The following CDC14A variants were observed in gnomAD, a reference collection of about 807,000 sequenced individuals.
CDC14A encodes the protein dual specificity protein phosphatase CDC14A.
Under a neutral mutation model 74.4 loss-of-function variants are expected in CDC14A, and 53 were observed. That is an observed-to-expected ratio of 0.71 (90% CI 0.57 to 0.89). The LOEUF (loss-of-function observed/expected upper bound fraction) is 0.89, where lower values mean the gene tolerates loss of function less well. Among genes scored for constraint, CDC14A ranks in the 40% least tolerant of loss-of-function variants. The pLI, the probability that CDC14A is intolerant of heterozygous loss-of-function variation, is 0.00. For synonymous variants in CDC14A, 247 were observed against 258.4 expected (o/e 0.96, Z 0.43); for missense variants, 646 against 713.7 (o/e 0.91, Z 1.08).
chr1:100,473,950 G>A (rs1668639024), intron 10 of CDC14A, among the ~76,000 whole-genome samples: 2 of 152,126 alleles, frequency 1.3e-5, no homozygotes, highest in Non-Finnish European at 2.9e-5. Flanking sequence ...AAAGCATCCA[G>A]GCATTCACCT....
intron 3 of CDC14A, among the ~76,000 whole-genome samples, chr1:100,389,932 T>C (rs1407054701): frequency 6.6e-6 from 1 of 152,208 alleles, no homozygotes; most frequent in Non-Finnish European, 1.5e-5. Context: ...TGAGTTACAT[T>C]GTGTTCTCAT....
intron 2 of CDC14A, among the ~76,000 whole-genome samples, chr1:100,363,767 G>C (rs910032603): frequency 2.6e-4 from 39 of 152,242 alleles, no homozygotes; most frequent in Middle Eastern, 3.4e-3. Context: ...AGCTTCTACA[G>C]AGAATTGGAA....
intron 5 of CDC14A, among the ~76,000 whole-genome samples, chr1:100,429,517 C>G (rs957186643): frequency 6.6e-6 from 1 of 150,884 alleles, no homozygotes; most frequent in East Asian, 1.9e-4. Flanking sequence ...TATCTGCATA[C>G]GTGGGGAGCT....
In CDC14A at chr1:100,376,095, C is replaced by A. The variant is rs12058920; in HGVS notation, c.141-1451C>A. ...TTCTCACTCATAGGTGGGAACTGAA[C>A]AATGAGAACACTTGGACATGGGAAG... On this transcript the variant is annotated intron_variant, in intron 2 of 15. Coordinates refer to ENST00000336454, the MANE Select transcript of CDC14A (RefSeq NM_003672.4). 3.4e-3 allele frequency among the ~76,000 whole-genome samples: 508 copies of A among 151,424 alleles called. 4 individuals carry two copies. Among genetic ancestry groups the A allele is most frequent in the African/African-American group, 0.011 (446 of 41,182 alleles).
intron 4 of CDC14A, among the ~76,000 whole-genome samples, chr1:100,404,024 G>C (rs1400233185): frequency 6.6e-6 from 1 of 152,108 alleles, no homozygotes; most frequent in East Asian, 1.9e-4. Context: ...TTGATAGAGT[G>C]AGTAAAATTG....
At chr1:100,515,785 C>T (rs567392099) in intron 15 of CDC14A, among the ~76,000 whole-genome samples, 12 of 152,324 alleles carry the variant, frequency 7.9e-5, no homozygotes, top group African/African-American at 2.9e-4. Context: ...ACCCTTTTTA[C>T]TGATCTTTCA....
At chr1:100,367,537 T>C (rs538454964) in intron 2 of CDC14A, among the ~76,000 whole-genome samples, 1 of 152,248 alleles carries the variant, frequency 6.6e-6, no homozygotes, top group East Asian at 1.9e-4. Flanking sequence ...TAGAAAACTA[T>C]ATGTATAAGA....
chr1:100,412,678 GTGAACTTCC>G (rs1324233370), intron 4 of CDC14A, among the ~76,000 whole-genome samples: 1 of 113,836 alleles, frequency 8.8e-6, no homozygotes, highest in Non-Finnish European at 1.7e-5. Flanking sequence ...GGGAAGGTGG[GTGAACTTCC>G]TGTATGTTTT....
rs367786517 is a variant in CDC14A, at chr1:100,382,732, G to A, written c.216+5111G>A. On this transcript the variant is annotated intron_variant, in intron 3 of 15. Coordinates refer to ENST00000336454, the MANE Select transcript of CDC14A (RefSeq NM_003672.4). The stretch of plus-strand genomic sequence containing the variant: ...ACTATTTTAAAAAAGGATTAAAGGA[G>A]TATTCACAGAAATGTAATTTTAAAT... Among the ~76,000 whole-genome samples the A allele has an allele frequency of 1.8e-4, 27 of 152,230 alleles. 1 individual carries two copies. The highest frequency in any genetic ancestry group is 1.7e-3 in the East Asian group (9 of 5,178).
At chr1:100,506,291 T>A (rs944967046) in intron 15 of CDC14A, among the ~76,000 whole-genome samples, 6 of 152,224 alleles carry the variant, frequency 3.9e-5, no homozygotes, top group African/African-American at 1.4e-4. Flanking sequence ...ATCCTTCCTC[T>A]TTGTTGTGGC....
At chr1:100,456,363 C>G (rs530388057) in intron 8 of CDC14A, among the ~76,000 whole-genome samples, 2 of 152,190 alleles carry the variant, frequency 1.3e-5, no homozygotes, top group African/African-American at 4.8e-5. Flanking sequence ...TGATAGACAA[C>G]AGAGGTTCAA....
At chr1:100,481,129 G>A (rs962056325) in intron 10 of CDC14A, 1 of 152,266 alleles carries the variant, frequency 6.6e-6, no homozygotes, top group Non-Finnish European at 1.5e-5. Flanking sequence ...AACTGTCTCT[G>A]TTTCCATAAT....
intron 15 of CDC14A, among the ~76,000 whole-genome samples, chr1:100,501,963 A>C (rs2101454473): frequency 6.6e-6 from 1 of 152,344 alleles, no homozygotes; most frequent in South Asian, 2.1e-4. Flanking sequence ...ACAGTTACAC[A>C]TACAATGCTT....
chr1:100,478,841 T>G (rs181491249), intron 10 of CDC14A, among the ~76,000 whole-genome samples: 3 of 152,316 alleles, frequency 2.0e-5, no homozygotes, highest in Admixed American at 2.0e-4. Flanking sequence ...TTGCAAGCCT[T>G]CCATTGTCTT....
chr1:100,459,298 G>A (rs768249305), intron 8 of CDC14A, among the ~76,000 whole-genome samples: 2 of 152,296 alleles, frequency 1.3e-5, no homozygotes, highest in South Asian at 2.1e-4. Context: ...GAGTTCCACA[G>A]CTTCTCTGAG....
At chr1:100,463,524 A>G (rs1667518696) in intron 9 of CDC14A, among the ~76,000 whole-genome samples, 2 of 152,258 alleles carry the variant, frequency 1.3e-5, no homozygotes, top group Admixed American at 6.5e-5. Flanking sequence ...TGTTCAGACT[A>G]TAGAAGGTTT....
At chr1:100,349,050 C>T (rs575381057), upstream of CDC14A, among the ~76,000 whole-genome samples, 1 of 152,252 alleles carries the variant, frequency 6.6e-6, no homozygotes, top group East Asian at 1.9e-4. Context: ...TGAAAATTAA[C>T]CGGCGTGGTG....
chr1:100,484,048 C>A (rs1669787229), intron 10 of CDC14A, among the ~76,000 whole-genome samples: 1 of 152,128 alleles, frequency 6.6e-6, no homozygotes, highest in Non-Finnish European at 1.5e-5. Flanking sequence ...AGGACTTCAG[C>A]AGTCAACTAT....
chr1:100,393,383 G>A, intron 4 of CDC14A: 1 of 863,200 alleles, frequency 1.2e-6, no homozygotes, highest in South Asian at 1.3e-5. Context: ...CCATAGAATT[G>A]TTTACACATT....
Sources: gnomAD v4.1 joint callset for allele counts (sites outside exome capture counted in the v4.1 genomes callset) on GRCh38, gnomAD v4.1.1 for gene constraint, MANE v1.5 for transcripts, NCBI Gene and HGNC (gene_info 2026-07-23, HGNC 2026-07-21) for gene names.